The following KIF3A variants were observed in gnomAD, a reference collection of about 807,000 sequenced individuals.
KIF3A encodes kinesin family member 3A.
A neutral mutation model predicts 92.6 loss-of-function variants in KIF3A; 27 were observed. That is an observed-to-expected ratio of 0.29 (90% CI 0.21 to 0.40). The LOEUF (loss-of-function observed/expected upper bound fraction) is 0.40. KIF3A is among the 10% of genes least tolerant of loss of function. The probability of loss-of-function intolerance (pLI) is 1.00; values close to 1 mark genes in which losing one functional copy is unlikely to be tolerated. For missense variants in KIF3A, 581 were observed against 872.6 expected (o/e 0.67, Z 4.21); for synonymous variants, 250 against 275.4 (o/e 0.91, Z 0.92).
At chr5:132,696,853 C>A (rs994806329) in intron 18 of KIF3A, among the ~76,000 whole-genome samples, 171 bp from the exon 19 acceptor site, 1 of 152,168 alleles carries the variant, frequency 6.6e-6, no homozygotes, top group Non-Finnish European at 1.5e-5. Context: ...TTTCAGGCTA[C>A]GGGAAGCTAA....
Position 132,715,818 on chromosome 5 carries a change from C to T in KIF3A, c.1068G>A (p.Lys356=). The T allele has an allele frequency of 6.2e-7, 1 of 1,612,700 alleles. No homozygotes were observed. The highest frequency in any genetic ancestry group is 8.5e-7 in the Non-Finnish European group (1 of 1,179,318). ...TCTGGAACTGACGCAGCAAAGCATCCTTTGGATCTTCATTAATTCTAGCTT... is the reference window on the plus strand; with the variant it reads ...TCTGGAACTGACGCAGCAAAGCATCTTTTGGATCTTCATTAATTCTAGCTT... ...KNKARINEDP[K]DALLRQFQKE... Residue 356 remains lysine, a synonymous_variant, in exon 8 of 19, where the codon AAG becomes AAA. Coordinates refer to ENST00000403231, the MANE Select transcript of KIF3A (RefSeq NM_001300791.2).
downstream of KIF3A, among the ~76,000 whole-genome samples, chr5:132,690,329 G>A (rs1411311074): frequency 2.0e-5 from 3 of 151,548 alleles, no homozygotes; most frequent in Non-Finnish European, 4.4e-5. Flanking sequence ...AGTTCAAGGG[G>A]GCAGTGAGCT....
rs1754438186 is a variant in KIF3A, at chr5:132,737,396, CG to C, written c.6+17del. On this transcript the variant is annotated intron_variant, in intron 1 of 18. Transcript: ENST00000403231. Reference sequence around the variant, plus strand: ...CTAGGATGAGAAGAAACCCCAGAAGCGAAGCGACTCTCCTCACCGGCATCTT... The same window carrying C: ...CTAGGATGAGAAGAAACCCCAGAAGCAAGCGACTCTCCTCACCGGCATCTT... 2 of 1,608,548 alleles carry C rather than the reference CG, an allele frequency of 1.2e-6. No individual in the cohort carries two copies. Among genetic ancestry groups the C allele is most frequent in the Non-Finnish European group, 1.7e-6 (2 of 1,177,834 alleles).
At chr5:132,726,079 T>C (rs1267697827) in intron 4 of KIF3A, 49 bp downstream of exon 4, 1 of 1,340,606 alleles carries the variant, frequency 7.5e-7, no homozygotes, top group South Asian at 1.4e-5. Flanking sequence ...ATTTAGCAAA[T>C]ATTCTATTGC....
At chr5:132,708,868 G>C (rs766968054) in intron 10 of KIF3A, 39 bp downstream of exon 10, 1 of 1,420,440 alleles carries the variant, frequency 7.0e-7, no homozygotes, top group South Asian at 1.2e-5. Context: ...TTATGGAAAA[G>C]CCAAAGCTCT....
Position 132,736,798 on chromosome 5 carries a change from C to T in KIF3A, c.6+616G>A, listed in dbSNP as rs73261436. ...GCCATGGCTCAATTTTCCTCCATGA[C>T]CCCTAATAAGGGGTCTTAGAAGGCC... is the stretch of plus-strand genomic sequence containing the variant. On this transcript the variant is annotated intron_variant, in intron 1 of 18. Transcript: ENST00000403231. The T allele has an allele frequency of 7.8e-3, 3,598 of 463,398 alleles. 94 individuals are homozygous for T. The highest frequency in any genetic ancestry group is 0.065 in the African/African-American group (3,238 of 49,482). The allele number at this position is 463,398 out of a possible 1,614,324, so 28.7% of individuals were successfully genotyped here.
At position 132,708,929 on chromosome 5, in the gene KIF3A, T is replaced by C. The variant is rs1235781432; in HGVS notation, c.1278A>G (p.Lys426=). 3.2e-6 allele frequency: 5 copies of C among 1,549,736 alleles called. No individual in the cohort carries two copies. In the East Asian group the frequency reaches 1.2e-4, roughly 38 times the overall value. Reference sequence around the variant, plus strand: ...CACTAGGCAAGAACTTATCCAGAGGTTTCTCTATGACAGAACATGTGGAGT... The same window carrying C: ...CACTAGGCAAGAACTTATCCAGAGGCTTCTCTATGACAGAACATGTGGAGT... The part of the protein sequence containing the change: ...SSDSTCSVIE[K]PLDKFLPNQA... Residue 426 remains lysine (K), a synonymous_variant, in exon 10 of 19, where the codon AAA becomes AAG. Transcript: ENST00000403231.
At chr5:132,701,681 T>C (rs72799409) in intron 15 of KIF3A, among the ~76,000 whole-genome samples, 2,728 of 152,166 alleles carry the variant, frequency 0.018, 30 homozygotes, top group Non-Finnish European at 0.026. Context: ...CTAAATGCCA[T>C]TGAACTGCAC....
chr5:132,693,980 C>CA lies in KIF3A; in HGVS notation c.*2653dup, dbSNP rs753479660. ...TGGGCGACAGAGTAAGACTCCGTCT[C>CA]AAAAAAAAAAAAAAGATATTCAGGC... On this transcript the variant is annotated 3_prime_UTR_variant, in exon 19 of 19. Transcript: ENST00000403231. The CA allele has an allele frequency of 2.3e-3, 267 of 114,366 alleles. No homozygotes were observed. Among genetic ancestry groups the CA allele is most frequent in the African/African-American group, 2.8e-3 (87 of 30,946 alleles). 7.1% of individuals were successfully genotyped at this position (114,366 alleles called of 1,614,324 possible).
chr5:132,709,735 T>C (rs1194484838), intron 9 of KIF3A, among the ~76,000 whole-genome samples: 3 of 152,238 alleles, frequency 2.0e-5, no homozygotes, highest in Non-Finnish European at 2.9e-5. Flanking sequence ...TTTGAGACTT[T>C]GCAGGCCATA....
At chr5:132,708,192 G>C (rs1753286574) in intron 10 of KIF3A, among the ~76,000 whole-genome samples, 1 of 149,980 alleles carries the variant, frequency 6.7e-6, no homozygotes, top group Non-Finnish European at 1.5e-5. Context: ...TGAGGCAGGA[G>C]AATGGCGTGA....
intron 8 of KIF3A, among the ~76,000 whole-genome samples, chr5:132,712,504 A>T (rs1468067441): frequency 6.6e-6 from 1 of 152,242 alleles, no homozygotes; most frequent in African/African-American, 2.4e-5. Flanking sequence ...ATAGAATCCT[A>T]AACACTAAAC....
intron 1 of KIF3A, among the ~76,000 whole-genome samples, chr5:132,734,916 A>G (rs1754341684): frequency 6.6e-6 from 1 of 152,206 alleles, no homozygotes; most frequent in East Asian, 1.9e-4. Flanking sequence ...CATCTGTAAA[A>G]TGGTTTTTAT....
At chr5:132,691,392 A>G (rs1752660296), downstream of KIF3A, among the ~76,000 whole-genome samples, 1 of 151,776 alleles carries the variant, frequency 6.6e-6, no homozygotes, top group Non-Finnish European at 1.5e-5. Context: ...TACTAAAAAT[A>G]CAAAGTTAGC....
At chr5:132,701,818 G>A (rs1161029973) in intron 15 of KIF3A, among the ~76,000 whole-genome samples, 1 of 152,098 alleles carries the variant, frequency 6.6e-6, no homozygotes, top group Non-Finnish European at 1.5e-5. Flanking sequence ...TATTCTACTT[G>A]TATGATAATG....
Position 132,703,074 on chromosome 5 carries a change from T to A in KIF3A, c.1467-9A>T, listed in dbSNP as rs539742699. ...AAGACTGATGCTCTTGTCTGTTGAT[T>A]AGAATGAGAATACTCTATATTCACT... On this transcript the variant is annotated splice_polypyrimidine_tract_variant and intron_variant, in intron 12 of 18. Transcript: ENST00000403231. 1 of 1,597,618 alleles carries A rather than the reference T, an allele frequency of 6.3e-7. No individual in the cohort carries two copies. The highest frequency in any genetic ancestry group is 1.8e-5 in the Admixed American group (1 of 56,398).
chr5:132,707,546 G>A (rs139101506), intron 10 of KIF3A, among the ~76,000 whole-genome samples: 2 of 152,068 alleles, frequency 1.3e-5, no homozygotes, highest in African/African-American at 2.4e-5. Flanking sequence ...AAATATTTTC[G>A]CATATTTCAC....
downstream of KIF3A, among the ~76,000 whole-genome samples, chr5:132,691,835 G>C (rs1330748616): frequency 6.6e-6 from 1 of 151,986 alleles, no homozygotes. Flanking sequence ...CCAGGAGGTG[G>C]AGGTTGCAGT....
At chr5:132,717,026 G>A in intron 5 of KIF3A, 42 bp from the exon 6 acceptor site, 1 of 1,586,112 alleles carries the variant, frequency 6.3e-7, no homozygotes, top group Non-Finnish European at 8.6e-7. Flanking sequence ...GTAACAGAGA[G>A]TGCCTTTAAA....
Sources: gnomAD v4.1 joint callset for allele counts (sites outside exome capture counted in the v4.1 genomes callset) on GRCh38, gnomAD v4.1.1 for gene constraint, MANE v1.5 for transcripts, NCBI Gene and HGNC (gene_info 2026-07-23, HGNC 2026-07-21) for gene names.